Variants in GRIA1 observed in about 807,000 individuals in gnomAD.
The protein encoded by GRIA1 is glutamate receptor 1.
Under a neutral mutation model 99.2 loss-of-function variants are expected in GRIA1, and 31 were observed. That is an observed-to-expected ratio of 0.31 (90% confidence interval 0.23 to 0.42). The LOEUF is 0.42. GRIA1 is among the 10% of genes least tolerant of loss of function. The pLI, the probability that GRIA1 is intolerant of heterozygous loss-of-function variation, is 1.00. For missense variants in GRIA1, 782 were observed against 1,157.5 expected, an observed-to-expected ratio of 0.68 and a Z score of 4.71; for synonymous variants, 438 against 432.4, an observed-to-expected ratio of 1.01 and a Z score of -0.16.
At chr5:153,698,464 A>G (rs1411828920) in intron 9 of GRIA1, among the ~76,000 whole-genome samples, 1 of 152,210 alleles carries the variant, frequency 6.6e-6, no homozygotes, top group Non-Finnish European at 1.5e-5. Context: ...CCTCAGTAGA[A>G]GCTATTTTCA....
intron 13 of GRIA1, among the ~76,000 whole-genome samples, chr5:153,786,171 C>T (rs1187998133): frequency 1.3e-5 from 2 of 151,514 alleles, no homozygotes; most frequent in African/African-American, 2.4e-5. Context: ...AGGCCTCTCT[C>T]TGCTTAAAAA....
chr5:153,523,168 C>T (rs1757306948), intron 2 of GRIA1, among the ~76,000 whole-genome samples: 1 of 152,126 alleles, frequency 6.6e-6, no homozygotes, highest in African/African-American at 2.4e-5. Context: ...TATCTGAGGG[C>T]AATCCGTAAT....
chr5:153,760,310 A>G (rs1763096769), intron 11 of GRIA1, among the ~76,000 whole-genome samples: 1 of 151,972 alleles, frequency 6.6e-6, no homozygotes, highest in South Asian at 2.1e-4. Context: ...AAACCCTCCA[A>G]AAAGCTAATA....
At chr5:153,694,561 T>G (rs1189395012) in intron 8 of GRIA1, among the ~76,000 whole-genome samples, 1 of 152,228 alleles carries the variant, frequency 6.6e-6, no homozygotes, top group Non-Finnish European at 1.5e-5. Flanking sequence ...ATGCATTAAC[T>G]AATGTAGTTC....
intron 2 of GRIA1, among the ~76,000 whole-genome samples, chr5:153,621,029 A>G (rs528765574): frequency 6.6e-6 from 1 of 152,340 alleles, no homozygotes; most frequent in Non-Finnish European, 1.5e-5. Context: ...TTAATTCATG[A>G]GGAATGATGC....
At chr5:153,511,468 G>T (rs1383102534) in intron 2 of GRIA1, among the ~76,000 whole-genome samples, 2 of 152,144 alleles carry the variant, frequency 1.3e-5, no homozygotes, top group African/African-American at 4.8e-5. Flanking sequence ...ATCTCAACCA[G>T]TTTTTGTTTT....
At chr5:153,680,006 G>T (rs1756859532) in intron 7 of GRIA1, among the ~76,000 whole-genome samples, 1 of 152,152 alleles carries the variant, frequency 6.6e-6, no homozygotes, top group African/African-American at 2.4e-5. Flanking sequence ...ATTAACCGTG[G>T]TTTGTAAATG....
At chr5:153,583,912 C>T (rs1432245970) in intron 2 of GRIA1, among the ~76,000 whole-genome samples, 1 of 152,182 alleles carries the variant, frequency 6.6e-6, no homozygotes, top group Admixed American at 6.5e-5. Flanking sequence ...AACATTCTTT[C>T]TAATGTGCCA....
chr5:153,679,214 G>T (rs1011684858), intron 7 of GRIA1, among the ~76,000 whole-genome samples: 2 of 152,152 alleles, frequency 1.3e-5, no homozygotes, highest in Non-Finnish European at 1.5e-5. Flanking sequence ...AGAAAGCAAG[G>T]CCTGCGCTCA....
chr5:153,623,677 T>C (rs1372371409), intron 2 of GRIA1, among the ~76,000 whole-genome samples: 1 of 152,196 alleles, frequency 6.6e-6, no homozygotes, highest in Admixed American at 6.5e-5. Flanking sequence ...TTGGAAATAA[T>C]GGGATCCATA....
chr5:153,534,864 G>T (rs1758418705), intron 2 of GRIA1, among the ~76,000 whole-genome samples: 1 of 152,118 alleles, frequency 6.6e-6, no homozygotes, highest in East Asian at 1.9e-4. Flanking sequence ...TTGAAAAAGT[G>T]TATTCTACAC....
At chr5:153,741,158 A>G (rs6421143) in intron 11 of GRIA1, among the ~76,000 whole-genome samples, 60,646 of 151,384 alleles carry the variant, frequency 0.4, 13,349 homozygotes, top group East Asian at 0.94. Context: ...TTGTATTTTT[A>G]GTAGAGATGG....
chr5:153,509,577 T>G (rs1333720889), intron 2 of GRIA1, among the ~76,000 whole-genome samples: 1 of 152,222 alleles, frequency 6.6e-6, no homozygotes, highest in Non-Finnish European at 1.5e-5. Flanking sequence ...GCAACCCAAC[T>G]GCCTAGGGAA....
intron 2 of GRIA1, among the ~76,000 whole-genome samples, chr5:153,499,628 A>AC (rs1406019939): frequency 1.1e-4 from 17 of 150,782 alleles, no homozygotes; most frequent in African/African-American, 4.1e-4. Flanking sequence ...AAAAAAAAAA[A>AC]AAAAAAAAAA....
chr5:153,524,522 A>G (rs1477443561), intron 2 of GRIA1, among the ~76,000 whole-genome samples: 2 of 152,190 alleles, frequency 1.3e-5, no homozygotes, highest in African/African-American at 4.8e-5. Flanking sequence ...ATCCTTCTGG[A>G]CTAGCTTTCC....
At position 153,725,889 on chromosome 5, in the gene GRIA1, C is replaced by T. The variant is rs1223434667; in HGVS notation, c.1823+19822C>T. 5.2e-5 allele frequency among the ~76,000 whole-genome samples: 7 copies of T among 134,418 alleles called. No individual in the cohort carries two copies. The East Asian group carries it at 1.7e-3, about 33-fold the overall frequency. The allele number at this position is 134,418 out of a possible 152,430, so 88.2% of individuals were successfully genotyped here. A position where few individuals can be genotyped will look rare whatever the true frequency, so the allele number is the denominator to read the frequency against. ...TGAACTCAGCTCTGCACCAAGCGGACCTAATAGACATCTACAGAACCCTCC... is the reference window on the plus strand; with the variant it reads ...TGAACTCAGCTCTGCACCAAGCGGATCTAATAGACATCTACAGAACCCTCC... On this transcript the variant is annotated intron_variant, in intron 11 of 15. Coordinates refer to ENST00000285900, the MANE Select transcript of GRIA1 (RefSeq NM_000827.4).
In GRIA1 at chr5:153,500,223, G is replaced by T. The variant is rs189341419; in HGVS notation, c.220+6158G>T. 7.9e-4 allele frequency among the ~76,000 whole-genome samples: 121 copies of T among 152,270 alleles called. 1 individual carries two copies. The highest frequency in any genetic ancestry group is 2.8e-3 in the African/African-American group (117 of 41,552). On this transcript the variant is annotated intron_variant, in intron 2 of 15. Transcript: ENST00000285900. ...TACTGCTCTCCTCTCAGCCACTCAG[G>T]ATAAAGTGATCATATAGCACATTTG...
At chr5:153,694,543 T>C (rs1292526603) in intron 8 of GRIA1, among the ~76,000 whole-genome samples, 1 of 152,208 alleles carries the variant, frequency 6.6e-6, no homozygotes, top group Non-Finnish European at 1.5e-5. Flanking sequence ...CTGTGCTAAT[T>C]GTTTTACATG....
intron 11 of GRIA1, among the ~76,000 whole-genome samples, chr5:153,746,445 C>T (rs1463047557): frequency 1.3e-5 from 2 of 152,142 alleles, no homozygotes; most frequent in Non-Finnish European, 2.9e-5. Context: ...ATTTTATCTC[C>T]CATTTGCTTA....
Sources: gnomAD v4.1 joint callset for allele counts (sites outside exome capture counted in the v4.1 genomes callset) on GRCh38, gnomAD v4.1.1 for gene constraint, MANE v1.5 for transcripts, NCBI Gene and HGNC (gene_info 2026-07-23, HGNC 2026-07-21) for gene names.